SLC12A8: variants seen among roughly 807,000 people sequenced by gnomAD.
SLC12A8 encodes the protein solute carrier family 12 member 8, also known as cation-chloride cotransporter 9.
In SLC12A8, 69 loss-of-function variants were observed where a neutral mutation model predicts 75.6. The ratio of observed to expected loss-of-function variants is 0.91; its 90% CI spans 0.75 to 1.11. The LOEUF (loss-of-function observed/expected upper bound fraction) is 1.11. SLC12A8 is among the 50% of genes most tolerant of loss of function. The pLI is 0.00. For missense variants in SLC12A8, 877 were observed against 896.7 expected (o/e 0.98, Z 0.28); for synonymous variants, 365 against 372.8 (o/e 0.98, Z 0.24).
intron 5 of SLC12A8, among the ~76,000 whole-genome samples, chr3:125,161,761 A>G (rs1934180582): frequency 6.6e-6 from 1 of 151,794 alleles, no homozygotes; most frequent in African/African-American, 2.4e-5. Flanking sequence ...GGGCATTCGC[A>G]GACAAAGCTA....
intron 5 of SLC12A8, among the ~76,000 whole-genome samples, chr3:125,138,158 T>G (rs942248874): frequency 1.3e-5 from 2 of 152,152 alleles, no homozygotes; most frequent in African/African-American, 4.8e-5. Flanking sequence ...TCCCAGCACT[T>G]TGGGAGGCCG....
chr3:125,160,507 T>A (rs1207891743), intron 5 of SLC12A8, among the ~76,000 whole-genome samples: 1 of 152,188 alleles, frequency 6.6e-6, no homozygotes, highest in African/African-American at 2.4e-5. Flanking sequence ...CATCCAAAGG[T>A]CCACAAGTCC....
intron 5 of SLC12A8, among the ~76,000 whole-genome samples, chr3:125,157,455 G>A (rs1400846065): frequency 9.9e-5 from 15 of 152,268 alleles, no homozygotes; most frequent in Admixed American, 9.2e-4. Context: ...AGCCCTAGAA[G>A]CTGAAAGTTC....
intron 8 of SLC12A8, among the ~76,000 whole-genome samples, chr3:125,111,334 A>C: frequency 6.6e-6 from 1 of 152,202 alleles, no homozygotes. Flanking sequence ...TCAGGGTCCA[A>C]GATGTTACTA....
chr3:125,100,836 AC>A (rs1203276735), intron 10 of SLC12A8, among the ~76,000 whole-genome samples: 4 of 142,566 alleles, frequency 2.8e-5, no homozygotes, highest in Non-Finnish European at 1.5e-5. Context: ...ACAAGGTGAA[AC>A]CCCGTCTCTA....
At position 125,119,038 on chromosome 3, in the gene SLC12A8, T is replaced by C. The variant is rs1257231471; in HGVS notation, c.825-182A>G. 8.0e-6 allele frequency: 4 copies of C among 498,832 alleles called. No individual in the cohort carries two copies. The East Asian group carries it at 1.3e-4, about 17-fold the overall frequency. 30.9% of individuals were successfully genotyped at this position (498,832 alleles called of 1,614,324 possible). ...TTTGTACTATTTCTCTTCTGGCATA[T>C]TTCTTACCAAAAAAGGGGTACCATT... On this transcript the variant is annotated intron_variant, in intron 7 of 13. Coordinates refer to ENST00000469902, the MANE Select transcript of SLC12A8 (RefSeq NM_024628.6).
At chr3:125,110,659 T>A (rs1286326345) in intron 8 of SLC12A8, 1 of 206,400 alleles carries the variant, frequency 4.8e-6, no homozygotes, top group Non-Finnish European at 9.7e-6. Context: ...GGCCTAGAAA[T>A]CTGGATTCCG....
At chr3:125,139,300 C>A (rs1933570630) in intron 5 of SLC12A8, among the ~76,000 whole-genome samples, 1 of 152,158 alleles carries the variant, frequency 6.6e-6, no homozygotes, top group Admixed American at 6.5e-5. Flanking sequence ...CAGTCTGAGG[C>A]CTTATTCAGA....
intron 8 of SLC12A8, among the ~76,000 whole-genome samples, chr3:125,117,294 T>C (rs1184520589): frequency 6.6e-6 from 1 of 151,072 alleles, no homozygotes; most frequent in East Asian, 1.9e-4. Context: ...CAAGAGAAAA[T>C]GGTAGTCTAT....
intron 10 of SLC12A8, among the ~76,000 whole-genome samples, chr3:125,097,234 A>G (rs1938737820): frequency 6.6e-6 from 1 of 152,006 alleles, no homozygotes; most frequent in South Asian, 2.1e-4. Flanking sequence ...AAAAAAATAC[A>G]AAAAATTAGC....
chr3:125,106,721 A>G (rs955776640), intron 10 of SLC12A8, among the ~76,000 whole-genome samples: 30 of 152,314 alleles, frequency 2.0e-4, no homozygotes, highest in Non-Finnish European at 1.2e-4. Flanking sequence ...CTGTCTGTAT[A>G]TAGCTCCAGG....
intron 10 of SLC12A8, among the ~76,000 whole-genome samples, chr3:125,100,589 G>A (rs1415669445): frequency 6.6e-6 from 1 of 151,218 alleles, no homozygotes; most frequent in Non-Finnish European, 1.5e-5. Flanking sequence ...TGTATTTTTA[G>A]TAGAGATGAG....
chr3:125,171,040 G>T (rs1934397589), intron 5 of SLC12A8, among the ~76,000 whole-genome samples: 1 of 152,120 alleles, frequency 6.6e-6, no homozygotes, highest in African/African-American at 2.4e-5. Flanking sequence ...ATAAATTTCA[G>T]GATATTTTAT....
intron 6 of SLC12A8, among the ~76,000 whole-genome samples, chr3:125,125,270 A>G (rs1933174109): frequency 6.6e-6 from 1 of 152,080 alleles, no homozygotes; most frequent in African/African-American, 2.4e-5. Flanking sequence ...AAATTTGGCT[A>G]TTTAGGACTG....
At chr3:125,184,210 A>G (rs146377664) in intron 4 of SLC12A8, among the ~76,000 whole-genome samples, 2,164 of 152,212 alleles carry the variant, frequency 0.014, 60 homozygotes, top group African/African-American at 0.048. Flanking sequence ...ACCTCAGGTG[A>G]TCCACCTGCC....
chr3:125,113,882 G>A (rs115283160), intron 8 of SLC12A8, among the ~76,000 whole-genome samples: 3,002 of 152,136 alleles, frequency 0.02, 42 homozygotes, highest in Non-Finnish European at 0.029. Context: ...GAGGGACTCT[G>A]CTCATTCATT....
At chr3:125,172,654 G>A (rs895160561) in intron 5 of SLC12A8, among the ~76,000 whole-genome samples, 1 of 152,178 alleles carries the variant, frequency 6.6e-6, no homozygotes, top group African/African-American at 2.4e-5. Context: ...CTAAATGTTG[G>A]GGTAATTTGT....
At chr3:125,161,435 C>T (rs1183380385) in intron 5 of SLC12A8, among the ~76,000 whole-genome samples, 1 of 152,160 alleles carries the variant, frequency 6.6e-6, no homozygotes, top group African/African-American at 2.4e-5. Flanking sequence ...CTTTCTGGCC[C>T]CATATGTTTG....
At chr3:125,092,383 A>G (rs1418537352) in intron 10 of SLC12A8, among the ~76,000 whole-genome samples, 185 bp from the exon 11 acceptor site, 1 of 152,196 alleles carries the variant, frequency 6.6e-6, no homozygotes, top group Non-Finnish European at 1.5e-5. Flanking sequence ...AGGATCTGAG[A>G]AAGAAAGAGA....
Sources: gnomAD v4.1 joint callset for allele counts (sites outside exome capture counted in the v4.1 genomes callset) on GRCh38, gnomAD v4.1.1 for gene constraint, MANE v1.5 for transcripts, NCBI Gene and HGNC (gene_info 2026-07-23, HGNC 2026-07-21) for gene names.